The following ASTN2 variants were observed in gnomAD, a reference collection of about 807,000 sequenced individuals.
ASTN2 encodes the protein astrotactin 2, also known as astrotactin-2.
ASTN2 carries 54 observed loss-of-function variants against 139.8 expected under a neutral mutation model. The observed-to-expected ratio is 0.39, with a 90% CI of 0.31 to 0.48. The LOEUF (loss-of-function observed/expected upper bound fraction) is 0.48, where lower values mean the gene tolerates loss of function less well. Ranked by LOEUF, ASTN2 falls within the 20% of genes least tolerant of loss-of-function variation. ASTN2 has a pLI of 0.95. For synonymous variants in ASTN2, 756 were observed against 719.5 expected (o/e 1.05, Z -0.81); for missense variants, 1,565 against 1,725.1 (o/e 0.91, Z 1.64).
chr9:116,931,145 C>T (rs1197650163), intron 10 of ASTN2, among the ~76,000 whole-genome samples: 1 of 152,226 alleles, frequency 6.6e-6, no homozygotes, highest in African/African-American at 2.4e-5. Flanking sequence ...AGGGCATCAA[C>T]CTGCTGTGAC....
chr9:116,943,007 G>A (rs1417783013), intron 10 of ASTN2, among the ~76,000 whole-genome samples: 1 of 152,186 alleles, frequency 6.6e-6, no homozygotes, highest in East Asian at 1.9e-4. Context: ...TCCACTGAGG[G>A]GGTGATGGCA....
chr9:117,413,690 C>T (rs1173440539), intron 1 of ASTN2, among the ~76,000 whole-genome samples: 1 of 152,124 alleles, frequency 6.6e-6, no homozygotes, highest in Non-Finnish European at 1.5e-5. Context: ...CCGTTGGAGC[C>T]CCCCACCCAC....
chr9:117,258,073 T>C (rs1274371975), intron 2 of ASTN2, among the ~76,000 whole-genome samples: 1 of 152,150 alleles, frequency 6.6e-6, no homozygotes, highest in Non-Finnish European at 1.5e-5. Context: ...AGTCTCTCCA[T>C]TGGAAGGAAG....
At chr9:116,803,509 TATATATATA>T (rs1705308615) in intron 13 of ASTN2, among the ~76,000 whole-genome samples, 4 of 8,070 alleles carry the variant, frequency 5.0e-4, no homozygotes, top group Non-Finnish European at 2.0e-4. Flanking sequence ...TATATATATA[TATATATATA>T]TATATTTTTT....
At chr9:117,003,547 G>GTGTGTGTGTGTT in intron 7 of ASTN2, among the ~76,000 whole-genome samples, 1 of 149,288 alleles carries the variant, frequency 6.7e-6, no homozygotes, top group Non-Finnish European at 1.5e-5. Context: ...GTGTGTGTGT[G>GTGTGTGTGTGTT]TGTGTGTATT....
chr9:117,164,308 G>A (rs2132909161), intron 3 of ASTN2, among the ~76,000 whole-genome samples: 1 of 152,022 alleles, frequency 6.6e-6, no homozygotes, highest in East Asian at 1.9e-4. Context: ...CTCTTTCTGT[G>A]ACTTCCAACT....
chr9:116,645,567 C>T (rs970405686), intron 17 of ASTN2, among the ~76,000 whole-genome samples: 2 of 152,040 alleles, frequency 1.3e-5, no homozygotes, highest in Non-Finnish European at 2.9e-5. Context: ...ACCCCACAAA[C>T]CTCAGGCATG....
chr9:116,943,797 T>C (rs759376828), intron 10 of ASTN2, among the ~76,000 whole-genome samples: 78 of 152,352 alleles, frequency 5.1e-4, no homozygotes, highest in Non-Finnish European at 7.8e-4. Flanking sequence ...CAACGCATTC[T>C]GTTTCTTTCC....
At chr9:117,187,746 C>A (rs568275808) in intron 3 of ASTN2, among the ~76,000 whole-genome samples, 2 of 152,226 alleles carry the variant, frequency 1.3e-5, no homozygotes, top group South Asian at 4.1e-4. Flanking sequence ...TCCCAGTCTG[C>A]AGAACTGGAA....
chr9:117,277,557 C>T (rs1406076829), intron 2 of ASTN2, among the ~76,000 whole-genome samples: 2 of 152,054 alleles, frequency 1.3e-5, no homozygotes, highest in Admixed American at 6.6e-5. Flanking sequence ...CCATATGATC[C>T]AGAAATTTCA....
At chr9:117,099,262 G>A (rs1828915536) in intron 4 of ASTN2, among the ~76,000 whole-genome samples, 1 of 152,150 alleles carries the variant, frequency 6.6e-6, no homozygotes, top group African/African-American at 2.4e-5. Flanking sequence ...GAGCAAAAAG[G>A]AGGGTCTATC....
At chr9:116,437,792 G>A (rs1847706461) in intron 22 of ASTN2, among the ~76,000 whole-genome samples, 1 of 152,314 alleles carries the variant, frequency 6.6e-6, no homozygotes. Context: ...TTTATCTAAA[G>A]AACCTTCCTT....
At chr9:116,827,845 T>C (rs1831680646) in intron 11 of ASTN2, among the ~76,000 whole-genome samples, 1 of 151,792 alleles carries the variant, frequency 6.6e-6, no homozygotes, top group African/African-American at 2.4e-5. Flanking sequence ...CCTGAAACAA[T>C]CCCAAAAAAA....
intron 20 of ASTN2, among the ~76,000 whole-genome samples, chr9:116,450,976 G>A (rs368383272): frequency 1.3e-5 from 2 of 152,308 alleles, no homozygotes; most frequent in East Asian, 3.9e-4. Context: ...CAAAGGTAAA[G>A]CAGTTTGTGG....
chr9:116,703,742 A>AG (rs3984940), intron 16 of ASTN2, among the ~76,000 whole-genome samples: 2 of 150,842 alleles, frequency 1.3e-5, no homozygotes, highest in Admixed American at 1.3e-4. Flanking sequence ...AAAAAAAAAA[A>AG]GTGCAGTGTT....
At position 116,498,745 on chromosome 9, in the gene ASTN2, TAATA is replaced by T. The variant is rs1190276323; in HGVS notation, c.3356-11249_3356-11246del. Among the ~76,000 whole-genome samples, 3 of 152,212 alleles carry T rather than the reference TAATA, an allele frequency of 2.0e-5. No homozygotes were observed. The East Asian group carries it at 5.8e-4, about 29-fold the overall frequency. ...AAAATTCACACAGTGCCAGGTAAGG[TAATA>T]AAAATGCCAGGTCAGTACTTCTGAT... is the stretch of plus-strand genomic sequence containing the variant. On this transcript the variant is annotated intron_variant, in intron 19 of 22. Coordinates refer to ENST00000313400, the MANE Select transcript of ASTN2 (RefSeq NM_001365068.1).
At chr9:116,711,666 A>G (rs988148900) in intron 16 of ASTN2, among the ~76,000 whole-genome samples, 4 of 152,022 alleles carry the variant, frequency 2.6e-5, no homozygotes, top group Admixed American at 6.6e-5. Context: ...CACCTAAGGA[A>G]CTCCAGCAGT....
Position 116,637,702 on chromosome 9 carries a change from G to A in ASTN2, c.3072+13826C>T, listed in dbSNP as rs148612354. 1.5e-3 allele frequency among the ~76,000 whole-genome samples: 229 copies of A among 152,286 alleles called. 2 individuals are homozygous for A. Among genetic ancestry groups the A allele is most frequent in the African/African-American group, 5.3e-3 (220 of 41,560 alleles). On this transcript the variant is annotated intron_variant, in intron 17 of 22. Coordinates refer to ENST00000313400, the MANE Select transcript of ASTN2 (RefSeq NM_001365068.1). Reference sequence around the variant, plus strand: ...GCCTGTAATCCCAGTACTTTTGGAGGACAAGGCTAGCAGATTACTTGTGCC... The same window carrying A: ...GCCTGTAATCCCAGTACTTTTGGAGAACAAGGCTAGCAGATTACTTGTGCC...
At chr9:116,862,156 G>A (rs564056364) in intron 11 of ASTN2, among the ~76,000 whole-genome samples, 13 of 152,154 alleles carry the variant, frequency 8.5e-5, no homozygotes, top group African/African-American at 3.1e-4. Context: ...TTGATCTCCT[G>A]ACCTTTGTCT....
Sources: gnomAD v4.1 joint callset for allele counts (sites outside exome capture counted in the v4.1 genomes callset) on GRCh38, gnomAD v4.1.1 for gene constraint, MANE v1.5 for transcripts, NCBI Gene and HGNC (gene_info 2026-07-23, HGNC 2026-07-21) for gene names.